The following TLN2 variants were observed in gnomAD, a reference collection of about 807,000 sequenced individuals.
The protein encoded by TLN2 is talin 2.
In TLN2, 118 loss-of-function variants were observed where a neutral mutation model predicts 294.7. The observed-to-expected ratio is 0.40, with a 90% CI of 0.34 to 0.47. TLN2 has a LOEUF of 0.47. TLN2 is among the 20% of genes least tolerant of loss of function. TLN2 has a pLI of 0.84. For missense variants in TLN2, 3,083 were observed against 3,282.2 expected, an observed-to-expected ratio of 0.94 and a Z score of 1.48; for synonymous variants, 1,431 against 1,304.5, an observed-to-expected ratio of 1.10 and a Z score of -2.09.
intron 1 of TLN2, among the ~76,000 whole-genome samples, chr15:62,555,000 A>AC (rs1207469345): frequency 6.6e-6 from 1 of 151,332 alleles, no homozygotes; most frequent in East Asian, 1.9e-4. Flanking sequence ...GAAAGAAAAA[A>AC]AAAAACACCC....
At chr15:62,480,983 G>A (rs2038055930) in intron 1 of TLN2, among the ~76,000 whole-genome samples, 1 of 152,172 alleles carries the variant, frequency 6.6e-6, no homozygotes, top group Non-Finnish European at 1.5e-5. Flanking sequence ...GGGATGAGGG[G>A]CACAGAAGAA....
intron 1 of TLN2, among the ~76,000 whole-genome samples, chr15:62,524,994 A>T (rs1306626250): frequency 6.6e-6 from 1 of 152,212 alleles, no homozygotes; most frequent in Admixed American, 6.5e-5. Context: ...GACAAGAGCA[A>T]CATGGTGGAG....
chr15:62,631,557 CTTTCCTTTCCTTTCCTTTCT>C (rs2049864593), intron 3 of TLN2, among the ~76,000 whole-genome samples: 2 of 131,992 alleles, frequency 1.5e-5, no homozygotes, highest in Non-Finnish European at 3.1e-5. Flanking sequence ...CATTCCTTTC[CTTTCCTTTCCTTTCCTTTCT>C]TTCTCTCTCT....
chr15:62,579,686 A>T (rs2044744649), intron 1 of TLN2, among the ~76,000 whole-genome samples: 1 of 152,176 alleles, frequency 6.6e-6, no homozygotes, highest in Admixed American at 6.5e-5. Context: ...TCCTAGCTAC[A>T]GACCCGAGAT....
chr15:62,490,264 CAATT>C (rs1354297410), intron 1 of TLN2, among the ~76,000 whole-genome samples: 1 of 152,098 alleles, frequency 6.6e-6, no homozygotes, highest in Non-Finnish European at 1.5e-5. Flanking sequence ...ATTGTTACCA[CAATT>C]AAATTGATTT....
chr15:62,525,346 A>T (rs2140482354), intron 1 of TLN2, among the ~76,000 whole-genome samples: 1 of 152,324 alleles, frequency 6.6e-6, no homozygotes, highest in African/African-American at 2.4e-5. Context: ...AGATGATTTA[A>T]AACCAGCATG....
intron 22 of TLN2, among the ~76,000 whole-genome samples, chr15:62,712,901 A>G (rs1213698508): frequency 1.3e-5 from 2 of 152,230 alleles, no homozygotes; most frequent in African/African-American, 4.8e-5. Flanking sequence ...GATAAATGTG[A>G]AAAAAGAAAA....
At chr15:62,495,971 A>C (rs571826527) in intron 1 of TLN2, among the ~76,000 whole-genome samples, 2 of 152,144 alleles carry the variant, frequency 1.3e-5, no homozygotes, top group Non-Finnish European at 2.9e-5. Flanking sequence ...AAAACCAAAA[A>C]CAAAAAAACC....
At chr15:62,465,865 A>C (rs917142848) in intron 1 of TLN2, among the ~76,000 whole-genome samples, 1 of 152,146 alleles carries the variant, frequency 6.6e-6, no homozygotes, top group African/African-American at 2.4e-5. Flanking sequence ...TGAAGCTTCC[A>C]TGTCTGTCCT....
In TLN2 at chr15:62,843,675, C is replaced by A. The variant is rs2070927784; in HGVS notation, c.*3065C>A. On this transcript the variant is annotated 3_prime_UTR_variant, in exon 59 of 59. Coordinates refer to ENST00000636159, the MANE Select transcript of TLN2 (RefSeq NM_015059.3). ...TCTTAGTCAGTGTGTTTACAGGCAA[C>A]TAAAGCCTGTTCCTAATTTATCAAA... 1 of 152,216 alleles carries A rather than the reference C, an allele frequency of 6.6e-6. No individual in the cohort carries two copies. The allele number at this position is 152,216 out of a possible 1,614,324, so 9.4% of individuals were successfully genotyped here.
rs146721544 is a variant in TLN2 at position 62,757,581 on chromosome 15, A to G, written c.4638+1888A>G. Among the ~76,000 whole-genome samples the G allele has an allele frequency of 2.6e-3, 402 of 152,272 alleles. 1 individual carries two copies. Among genetic ancestry groups the G allele is most frequent in the African/African-American group, 9.5e-3 (393 of 41,542 alleles). On this transcript the variant is annotated intron_variant, in intron 37 of 58. Coordinates refer to ENST00000636159, the MANE Select transcript of TLN2 (RefSeq NM_015059.3). Reference sequence around the variant, plus strand: ...TAAATCCTGACCTATCTCTATATAAAGCATCTCTGTTAAGATCTCATGTTC... The same window carrying G: ...TAAATCCTGACCTATCTCTATATAAGGCATCTCTGTTAAGATCTCATGTTC...
intron 1 of TLN2, among the ~76,000 whole-genome samples, chr15:62,449,110 G>A (rs1248810048): frequency 2.6e-5 from 4 of 152,170 alleles, no homozygotes; most frequent in African/African-American, 4.8e-5. Context: ...GAGACATAAC[G>A]TGTCAGAGAG....
chr15:62,672,904 T>A (rs138927953), intron 9 of TLN2, among the ~76,000 whole-genome samples: 6 of 152,304 alleles, frequency 3.9e-5, no homozygotes, highest in African/African-American at 1.2e-4. Context: ...GTATTTCTAG[T>A]TCAAATAAAA....
At chr15:62,424,486 G>A (rs12442378) in intron 1 of TLN2, among the ~76,000 whole-genome samples, 20,579 of 152,066 alleles carry the variant, frequency 0.14, 1,429 homozygotes, top group Admixed American at 0.15. Context: ...CTGTGTACAC[G>A]CACCTCCACC....
intron 35 of TLN2, 114 bp from the exon 36 acceptor site, chr15:62,753,659 T>G (rs2141001937): frequency 7.5e-7 from 1 of 1,328,902 alleles, no homozygotes; most frequent in East Asian, 2.5e-5. Context: ...TTGACCAGTT[T>G]GAACTGAGGA....
chr15:62,835,575 G>A (rs2242379), intron 55 of TLN2, 162 bp from the exon 56 acceptor site: 236,963 of 723,064 alleles, frequency 0.33, 40,325 homozygotes, highest in East Asian at 0.55. Context: ...GGCATGGCCT[G>A]AGTCCCACGT....
At chr15:62,505,857 G>A (rs2039590255) in intron 1 of TLN2, among the ~76,000 whole-genome samples, 2 of 152,152 alleles carry the variant, frequency 1.3e-5, no homozygotes, top group South Asian at 2.1e-4. Flanking sequence ...GGGAAGGGGA[G>A]TGTCTGCCTC....
chr15:62,451,665 A>T (rs1489725702), intron 1 of TLN2, among the ~76,000 whole-genome samples: 1 of 152,180 alleles, frequency 6.6e-6, no homozygotes, highest in African/African-American at 2.4e-5. Flanking sequence ...CAAAAAAAGA[A>T]AAGAGGAATT....
chr15:62,590,382 C>T (rs1180372731), intron 2 of TLN2, among the ~76,000 whole-genome samples: 3 of 152,152 alleles, frequency 2.0e-5, no homozygotes, highest in Non-Finnish European at 4.4e-5. Flanking sequence ...GTGTTCTCAT[C>T]ATTTAGCTCA....
Sources: gnomAD v4.1 joint callset for allele counts (sites outside exome capture counted in the v4.1 genomes callset) on GRCh38, gnomAD v4.1.1 for gene constraint, MANE v1.5 for transcripts, NCBI Gene and HGNC (gene_info 2026-07-23, HGNC 2026-07-21) for gene names.